TXNRD1: variants seen among roughly 807,000 people sequenced by gnomAD.
The protein encoded by TXNRD1 is thioredoxin reductase 1, cytoplasmic.
Under a neutral mutation model 80.3 loss-of-function variants are expected in TXNRD1, and 57 were observed. The ratio of observed to expected loss-of-function variants is 0.71; its 90% confidence interval spans 0.57 to 0.89. The LOEUF is 0.89. Ranked by LOEUF, TXNRD1 falls within the 40% of genes least tolerant of loss-of-function variation. The pLI, the probability that TXNRD1 is intolerant of heterozygous loss-of-function variation, is 0.00. For synonymous variants in TXNRD1, 291 were observed against 285.2 expected, an observed-to-expected ratio of 1.02 and a Z score of -0.20; for missense variants, 730 against 803.0, an observed-to-expected ratio of 0.91 and a Z score of 1.10.
At chr12:104,304,646 A>T (rs776915935) in intron 4 of TXNRD1, 1 of 1,613,750 alleles carries the variant, frequency 6.2e-7, no homozygotes, top group Non-Finnish European at 8.5e-7. Flanking sequence ...GTATCCTGAT[A>T]CTCCTGTGTC....
intron 1 of TXNRD1, among the ~76,000 whole-genome samples, chr12:104,249,801 G>A (rs902813539): frequency 2.6e-5 from 4 of 152,026 alleles, no homozygotes; most frequent in Admixed American, 1.3e-4. Context: ...CGGGCGTGGT[G>A]GCAGGCGCCT....
At position 104,281,450 on chromosome 12, in the gene TXNRD1, G is replaced by A. The variant is rs145649698; in HGVS notation, c.305-7481G>A. On this transcript the variant is annotated intron_variant, in intron 3 of 16. Transcript: ENST00000525566. The stretch of plus-strand genomic sequence containing the variant: ...GAGATGGAGTCTCACTGTGTCGCCC[G>A]GGCTGGAGTGCAGTGGTGGGATCTC... Among the ~76,000 whole-genome samples the A allele has an allele frequency of 5.2e-4, 71 of 135,982 alleles. 2 individuals carry two copies. Among genetic ancestry groups the A allele is most frequent in the African/African-American group, 1.9e-3 (66 of 35,266 alleles). 89.2% of individuals were successfully genotyped at this position (135,982 alleles called of 152,430 possible).
At chr12:104,343,590 C>T (rs1036502409) in intron 16 of TXNRD1, among the ~76,000 whole-genome samples, 1 of 151,952 alleles carries the variant, frequency 6.6e-6, no homozygotes, top group Non-Finnish European at 1.5e-5. Context: ...ACTTGAAGCC[C>T]GGAGTTTGAG....
At chr12:104,237,671 T>G (rs1245602322) in intron 1 of TXNRD1, among the ~76,000 whole-genome samples, 1 of 152,154 alleles carries the variant, frequency 6.6e-6, no homozygotes, top group African/African-American at 2.4e-5. Flanking sequence ...GTTATAGATG[T>G]GTTGTGTGTA....
intron 1 of TXNRD1, among the ~76,000 whole-genome samples, chr12:104,227,156 C>T (rs2032490153): frequency 6.6e-6 from 1 of 151,958 alleles, no homozygotes; most frequent in Non-Finnish European, 1.5e-5. Flanking sequence ...ATAACAACTG[C>T]TGAGTAACAA....
At chr12:104,299,327 C>T (rs924417479) in intron 4 of TXNRD1, among the ~76,000 whole-genome samples, 2 of 151,892 alleles carry the variant, frequency 1.3e-5, no homozygotes, top group African/African-American at 2.4e-5. Context: ...CCCAGATCGT[C>T]CCCTCCCACA....
chr12:104,283,721 T>G (rs1278792927), intron 3 of TXNRD1, among the ~76,000 whole-genome samples: 1 of 151,924 alleles, frequency 6.6e-6, no homozygotes, highest in Non-Finnish European at 1.5e-5. Flanking sequence ...AAATACAAAA[T>G]TAGCCAGGCG....
chr12:104,253,508 G>C (rs755084739), intron 2 of TXNRD1, among the ~76,000 whole-genome samples: 6 of 152,132 alleles, frequency 3.9e-5, no homozygotes, highest in Non-Finnish European at 5.9e-5. Context: ...GCAAGTGCTA[G>C]AGAATTTAGA....
At position 104,321,288 on chromosome 12, in the gene TXNRD1, A is replaced by G. The variant is rs1282747116; in HGVS notation, c.1187A>G (p.Lys396Arg). The G allele has an allele frequency of 6.2e-7, 1 of 1,613,958 alleles. No individual in the cohort carries two copies. The highest frequency in any genetic ancestry group is 1.1e-5 in the South Asian group (1 of 91,078). ...IGEHMEEHGI[K>R]FIRQFVPIKV... ...GAACACATGGAAGAACATGGCATCAAGTTTATAAGACAGTTCGTACCAATT... is the reference window on the plus strand; with the variant it reads ...GAACACATGGAAGAACATGGCATCAGGTTTATAAGACAGTTCGTACCAATT... The change falls in exon 10 of 17, where the codon AAG becomes AGG. Residue 396 changes from lysine (K) to arginine (R), a missense_variant. Coordinates refer to ENST00000525566, the MANE Select transcript of TXNRD1 (RefSeq NM_001093771.3).
chr12:104,319,403 T>A (rs2035451239), intron 8 of TXNRD1, 67 bp from the exon 9 acceptor site: 1 of 1,016,902 alleles, frequency 9.8e-7, no homozygotes, highest in Admixed American at 2.4e-5. Flanking sequence ...TGGCCTTTGT[T>A]AACTATGAAG....
Position 104,321,269 on chromosome 12 carries a change from A to G in TXNRD1, c.1168A>G (p.Met390Val), listed in dbSNP as rs1261133705. ...QDMANKIGEHMEEHGIKFIRQ... is the reference protein window; with the variant it reads ...QDMANKIGEHVEEHGIKFIRQ... The stretch of plus-strand genomic sequence containing the variant: ...CATGGCCAACAAAATTGGTGAACAC[A>G]TGGAAGAACATGGCATCAAGTTTAT... The change falls in exon 10 of 17, where the codon ATG (methionine) becomes GTG (valine). Residue 390 changes from methionine (M) to valine (V), a missense_variant. By Grantham distance (21) the Met-to-Val change is conservative. Transcript: ENST00000525566. 1.9e-6 allele frequency: 3 copies of G among 1,614,012 alleles called. No homozygotes were observed. Among genetic ancestry groups the G allele is most frequent in the Non-Finnish European group, 2.5e-6 (3 of 1,179,882 alleles).
intron 3 of TXNRD1, among the ~76,000 whole-genome samples, chr12:104,267,175 A>AT (rs1316506941): frequency 4.3e-4 from 40 of 93,168 alleles, no homozygotes; most frequent in Admixed American, 1.7e-3. Flanking sequence ...CAAAAAAAAA[A>AT]AAAAATAATA....
At chr12:104,233,222 C>A (rs1202644103) in intron 1 of TXNRD1, among the ~76,000 whole-genome samples, 1 of 152,160 alleles carries the variant, frequency 6.6e-6, no homozygotes, top group African/African-American at 2.4e-5. Context: ...CAAAGAGTTA[C>A]TAGCAAAAAG....
Position 104,290,722 on chromosome 12 carries a change from T to TATATAC in TXNRD1, c.414+1687_414+1688insCATATA, listed in dbSNP as rs1555212079. Among the ~76,000 whole-genome samples, 33 of 40,998 alleles carry TATATAC rather than the reference T, an allele frequency of 8.0e-4. 1 individual carries two copies. Among genetic ancestry groups the TATATAC allele is most frequent in the Non-Finnish European group, 1.5e-3 (30 of 20,412 alleles). 26.9% of individuals were successfully genotyped at this position (40,998 alleles called of 152,430 possible). A position where few individuals can be genotyped will look rare whatever the true frequency, so the allele number is the denominator to read the frequency against. On this transcript the variant is annotated intron_variant, in intron 4 of 16. Coordinates refer to ENST00000525566, the MANE Select transcript of TXNRD1 (RefSeq NM_001093771.3). ...AAAAAAAAAAAAAAAGAAATATACA[T>TATATAC]ATATATATATATATATATATATATA... is the stretch of plus-strand genomic sequence containing the variant.
At chr12:104,321,027 T>C in intron 9 of TXNRD1, 64 bp from the exon 10 acceptor site, 1 of 1,135,232 alleles carries the variant, frequency 8.8e-7, no homozygotes, top group Non-Finnish European at 1.3e-6. Flanking sequence ...TACTTGGATT[T>C]AGTAATTATT....
At chr12:104,253,625 G>T (rs779135148) in intron 2 of TXNRD1, among the ~76,000 whole-genome samples, 1 of 151,954 alleles carries the variant, frequency 6.6e-6, no homozygotes, top group South Asian at 2.1e-4. Flanking sequence ...CCCCTCCCCC[G>T]CACCGCCTGC....
chr12:104,334,422 G>C (rs1349014383), intron 15 of TXNRD1, 90 bp downstream of exon 15: 1 of 725,016 alleles, frequency 1.4e-6, no homozygotes, highest in Non-Finnish European at 2.0e-6. Flanking sequence ...TTGCTCTGTT[G>C]CCCAGGCTGG....
At chr12:104,250,970 A>C (rs886555527) in intron 1 of TXNRD1, among the ~76,000 whole-genome samples, 1 of 152,252 alleles carries the variant, frequency 6.6e-6, no homozygotes, top group African/African-American at 2.4e-5. Flanking sequence ...TGATTGGGCC[A>C]GCACAAAATC....
intron 1 of TXNRD1, among the ~76,000 whole-genome samples, chr12:104,218,349 C>T (rs2032268940): frequency 6.6e-6 from 1 of 151,932 alleles, no homozygotes; most frequent in Non-Finnish European, 1.5e-5. Context: ...TACAGAAAAG[C>T]TCACTCGTTA....
Sources: allele counts gnomAD v4.1 joint callset (sites outside exome capture counted in the v4.1 genomes callset), GRCh38; gene constraint gnomAD v4.1.1; transcripts MANE v1.5; gene names NCBI Gene and HGNC (gene_info 2026-07-23, HGNC 2026-07-21).